NAA15: variants seen among roughly 807,000 people sequenced by gnomAD.
NAA15 encodes N-terminal acetyltransferase.
Under a neutral mutation model 114.0 loss-of-function variants are expected in NAA15, and 34 were observed. The observed-to-expected ratio is 0.30, with a 90% CI of 0.23 to 0.40. The LOEUF (loss-of-function observed/expected upper bound fraction) is 0.40. Among genes scored for constraint, NAA15 ranks in the 10% least tolerant of loss-of-function variants. The pLI is 1.00. For missense variants in NAA15, 658 were observed against 1,004.5 expected, an observed-to-expected ratio of 0.66 and a Z score of 4.66; for synonymous variants, 340 against 338.0, an observed-to-expected ratio of 1.01 and a Z score of -0.06.
At chr4:139,321,608 A>G (rs1331657910) in intron 1 of NAA15, among the ~76,000 whole-genome samples, 1 of 147,248 alleles carries the variant, frequency 6.8e-6, no homozygotes, top group Non-Finnish European at 1.5e-5. Context: ...AGTAGCTGGG[A>G]CTACAGGCAC....
In NAA15 at chr4:139,344,169, C is replaced by T; in HGVS notation, c.538-17C>T. ...AATAAAATTCTTACTGTCAGTATTC[C>T]TTATATCCATATACAGACATCCCCT... On this transcript the variant is annotated splice_polypyrimidine_tract_variant and intron_variant, in intron 5 of 19. Coordinates refer to ENST00000296543, the MANE Select transcript of NAA15 (RefSeq NM_057175.5). 1 of 1,580,760 alleles carries T rather than the reference C, an allele frequency of 6.3e-7. No homozygotes were observed. The highest frequency in any genetic ancestry group is 2.3e-5 in the East Asian group (1 of 44,080).
chr4:139,363,682 A>G (rs1040779957), intron 14 of NAA15, among the ~76,000 whole-genome samples: 11 of 152,174 alleles, frequency 7.2e-5, no homozygotes, highest in Admixed American at 6.5e-4. Flanking sequence ...TTTAGCATGG[A>G]TTATTAGAAG....
chr4:139,380,257 T>C (rs537418175), intron 17 of NAA15, among the ~76,000 whole-genome samples: 1 of 130,256 alleles, frequency 7.7e-6, no homozygotes, highest in South Asian at 2.6e-4. Flanking sequence ...TTTAGTTTTT[T>C]TGGGGGGGGG....
rs1747127052 is a variant in NAA15 at position 139,334,344 on chromosome 4, T to C, written c.139+86T>C. ...TTCTTCCCAGCTGCCTTAACTGTTT[T>C]CCAGAGAGAACAGACCCTCTCATCT... On this transcript the variant is annotated intron_variant, in intron 2 of 19. Transcript: ENST00000296543. 3.6e-6 allele frequency: 3 copies of C among 839,644 alleles called. No individual in the cohort carries two copies. The East Asian group carries it at 8.7e-5, about 24-fold the overall frequency. 52.0% of individuals were successfully genotyped at this position (839,644 alleles called of 1,614,324 possible).
At chr4:139,307,877 T>A (rs1018061288) in intron 1 of NAA15, among the ~76,000 whole-genome samples, 1 of 151,936 alleles carries the variant, frequency 6.6e-6, no homozygotes, top group African/African-American at 2.4e-5. Context: ...GGGAGGGGTG[T>A]AGGAGGAGGG....
chr4:139,320,446 A>G (rs1236750006), intron 1 of NAA15, among the ~76,000 whole-genome samples: 2 of 152,142 alleles, frequency 1.3e-5, no homozygotes, highest in African/African-American at 4.8e-5. Flanking sequence ...GGGATTCATA[A>G]ACAACTTTGT....
intron 2 of NAA15, among the ~76,000 whole-genome samples, chr4:139,335,290 C>T (rs938742602): frequency 2.0e-5 from 3 of 152,204 alleles, no homozygotes; most frequent in Non-Finnish European, 2.9e-5. Context: ...TAGGCATACT[C>T]ATAATGTGTT....
At chr4:139,307,452 A>G (rs1024087556) in intron 1 of NAA15, among the ~76,000 whole-genome samples, 4 of 152,174 alleles carry the variant, frequency 2.6e-5, no homozygotes, top group Admixed American at 2.6e-4. Flanking sequence ...TTTTTGGTAG[A>G]GACGGGGTTT....
rs771873730 is a variant in NAA15, at chr4:139,326,592, C to T, written c.55-7582C>T. Among the ~76,000 whole-genome samples, 8 of 152,218 alleles carry T rather than the reference C, an allele frequency of 5.3e-5. No homozygotes were observed. In the South Asian group the frequency reaches 1.0e-3, roughly 20 times the overall value. On this transcript the variant is annotated intron_variant, in intron 1 of 19. Transcript: ENST00000296543. ...CCAAAGGTGGCCCTTTTCACTACTT[C>T]GTTAATTCCTCAAAGTAAATTTTTC...
intron 1 of NAA15, among the ~76,000 whole-genome samples, chr4:139,315,154 G>T (rs907410342): frequency 6.6e-6 from 1 of 151,608 alleles, no homozygotes; most frequent in African/African-American, 2.4e-5. Flanking sequence ...GCTCTGCCTC[G>T]GCCTAGGGAA....
In NAA15 at chr4:139,344,191, C is replaced by A; in HGVS notation, c.543C>A (p.Ser181=). Residue 181 remains serine (S), a synonymous_variant, in exon 6 of 20, where the codon TCC becomes TCA. Coordinates refer to ENST00000296543, the MANE Select transcript of NAA15 (RefSeq NM_057175.5). ...LEEFRKTQQT[S]PDKVDYEYSE... The stretch of plus-strand genomic sequence containing the variant: ...TTCCTTATATCCATATACAGACATC[C>A]CCTGACAAGGTGGATTATGAATATA... 1 of 1,607,526 alleles carries A rather than the reference C, an allele frequency of 6.2e-7. No individual in the cohort carries two copies. Among genetic ancestry groups the A allele is most frequent in the East Asian group, 2.2e-5 (1 of 44,664 alleles).
intron 1 of NAA15, among the ~76,000 whole-genome samples, chr4:139,322,610 T>A (rs1469265651): frequency 1.3e-5 from 2 of 152,264 alleles, no homozygotes; most frequent in East Asian, 3.8e-4. Context: ...AGGCTCATGC[T>A]ACTTGGTAAT....
chr4:139,357,051 C>T (rs1373214212), intron 10 of NAA15, among the ~76,000 whole-genome samples: 1 of 151,390 alleles, frequency 6.6e-6, no homozygotes, highest in Non-Finnish European at 1.5e-5. Context: ...TTATAAATAA[C>T]ATCCTGATCA....
At chr4:139,385,299 T>A (rs1030884195) in intron 18 of NAA15, among the ~76,000 whole-genome samples, 28 of 94,898 alleles carry the variant, frequency 3.0e-4, no homozygotes, top group East Asian at 1.4e-3. Flanking sequence ...TATATATATA[T>A]AATATATATT....
Position 139,344,230 on chromosome 4 carries a change from A to T in NAA15, c.582A>T (p.Leu194Phe). Residue 194 changes from leucine (L) to phenylalanine (F), a missense_variant, in exon 6 of 20, where the codon TTA (leucine) becomes TTT (phenylalanine). Physicochemically the swap from Leu to Phe is conservative, Grantham distance 22. Transcript: ENST00000296543. ...ATTATGAATATAGTGAACTACTCTT[A>T]TATCAGAATCAAGTTCTTCGGGAAG... The part of the protein sequence containing the change: ...KVDYEYSELL[L>F]YQNQVLREAG... The T allele has an allele frequency of 6.2e-7, 1 of 1,612,856 alleles. No homozygotes were observed.
chr4:139,363,545 C>T (rs1370035621), intron 14 of NAA15, among the ~76,000 whole-genome samples: 5 of 152,116 alleles, frequency 3.3e-5, no homozygotes, highest in African/African-American at 1.2e-4. Flanking sequence ...TAGTATTGCT[C>T]CATGTCTGCA....
rs560148097 is a variant in NAA15 at position 139,354,958 on chromosome 4, C to G, written c.1087+860C>G. ...GTGGCATGATCTCAGTTCACTGTAA[C>G]CTCCACCTCCCAGGTGCAAGTGATT... On this transcript the variant is annotated intron_variant, in intron 10 of 19. Coordinates refer to ENST00000296543, the MANE Select transcript of NAA15 (RefSeq NM_057175.5). Among the ~76,000 whole-genome samples, 8 of 152,288 alleles carry G rather than the reference C, an allele frequency of 5.3e-5. 1 individual carries two copies. The South Asian group carries it at 1.7e-3, about 32-fold the overall frequency.
chr4:139,331,445 T>C (rs1355996262), intron 1 of NAA15, among the ~76,000 whole-genome samples: 1 of 151,282 alleles, frequency 6.6e-6, no homozygotes, highest in Non-Finnish European at 1.5e-5. Context: ...TTTTTTCTTC[T>C]TTCTTTCTTT....
chr4:139,353,944 T>C, intron 9 of NAA15, 82 bp from the exon 10 acceptor site: 2 of 1,061,026 alleles, frequency 1.9e-6, no homozygotes, highest in Non-Finnish European at 1.4e-6. Context: ...TTTAGTGTTT[T>C]AGTAGAAAAT....
Sources: gnomAD v4.1 joint callset for allele counts (sites outside exome capture counted in the v4.1 genomes callset) on GRCh38, gnomAD v4.1.1 for gene constraint, MANE v1.5 for transcripts, NCBI Gene and HGNC (gene_info 2026-07-23, HGNC 2026-07-21) for gene names.